CD40LG: variants seen among roughly 807,000 people sequenced by gnomAD.
CD40LG encodes CD40 antigen ligand.
Under a neutral mutation model 17.2 loss-of-function variants are expected in CD40LG, and 1 was observed. The observed-to-expected ratio is 0.06, with a 90% CI of 0.02 to 0.28. The LOEUF is 0.28. Among genes scored for constraint, CD40LG ranks in the 10% least tolerant of loss-of-function variants. The pLI, the probability that CD40LG is intolerant of heterozygous loss-of-function variation, is 1.00. For missense variants in CD40LG, 133 were observed against 193.2 expected (o/e 0.69, Z 1.85); for synonymous variants, 66 against 74.4 (o/e 0.89, Z 0.58).
chrX:136,653,723 T>A (rs2076110706), intron 2 of CD40LG, among the ~76,000 whole-genome samples: 1 of 112,532 alleles, frequency 8.9e-6, no homozygotes, highest in Non-Finnish European at 1.9e-5. Flanking sequence ...AGAAACCTTT[T>A]AAGAAGTGTC....
At chrX:136,654,489 C>T (rs969864941) in intron 3 of CD40LG, 59 bp downstream of exon 3, 3 of 870,148 alleles carry the variant, frequency 3.4e-6, no homozygotes, top group African/African-American at 3.9e-5. Flanking sequence ...AAGCTTTAGG[C>T]TGATCATATT....
chrX:136,652,457 A>G (rs2076106700), intron 2 of CD40LG, among the ~76,000 whole-genome samples: 1 of 111,727 alleles, frequency 9.0e-6, no homozygotes, highest in Non-Finnish European at 1.9e-5. Context: ...CACCTAAGCA[A>G]CCTCAAGTTT....
Position 136,659,479 on chromosome X carries a change from G to T in CD40LG, c.*64G>T. 1.8e-6 allele frequency: 2 copies of T among 1,113,343 alleles called. No homozygotes were observed. The highest frequency in any genetic ancestry group is 1.2e-6 in the Non-Finnish European group (1 of 816,200). 91.8% of individuals were successfully genotyped at this position (1,113,343 alleles called of 1,213,427 possible). A position where few individuals can be genotyped will look rare whatever the true frequency, so the allele number is the denominator to read the frequency against. On this transcript the variant is annotated 3_prime_UTR_variant, in exon 5 of 5. Coordinates refer to ENST00000370629, the MANE Select transcript of CD40LG (RefSeq NM_000074.3). ...GGAGTCTTCATAATACAGCACAGCG[G>T]TTAAGCCCACCCCCTGTTAACTGCC...
At chrX:136,654,291 C>T in intron 2 of CD40LG, 82 bp from the exon 3 acceptor site, 1 of 691,914 alleles carries the variant, frequency 1.4e-6, no homozygotes, top group Non-Finnish European at 2.4e-6. Context: ...AGAGTAATGA[C>T]AGATGCAAAA....
intron 4 of CD40LG, among the ~76,000 whole-genome samples, chrX:136,658,064 T>A (rs930379288): frequency 2.3e-4 from 26 of 111,883 alleles, no homozygotes; most frequent in Admixed American, 2.8e-4. Context: ...GTTTCTGGAG[T>A]GGTCTGGAGG....
intron 4 of CD40LG, among the ~76,000 whole-genome samples, 176 bp downstream of exon 4, chrX:136,656,594 A>T (rs1207432699): frequency 5.4e-5 from 6 of 112,083 alleles, no homozygotes; most frequent in Non-Finnish European, 1.1e-4. Flanking sequence ...CACAGATGGG[A>T]CTTAGAGGGA....
At chrX:136,657,205 T>C (rs1341758889) in intron 4 of CD40LG, among the ~76,000 whole-genome samples, 1 of 111,825 alleles carries the variant, frequency 8.9e-6, no homozygotes, top group African/African-American at 3.3e-5. Context: ...TGCATATGTG[T>C]ATGTGTGTGA....
chrX:136,658,894 C>T, intron 4 of CD40LG, 145 bp from the exon 5 acceptor site: 1 of 615,940 alleles, frequency 1.6e-6, no homozygotes, highest in Middle Eastern at 3.4e-4. Flanking sequence ...GAACATGGCT[C>T]TGTCTGACTC....
chrX:136,657,526 C>A (rs1309494854), intron 4 of CD40LG, among the ~76,000 whole-genome samples: 1 of 111,625 alleles, frequency 9.0e-6, no homozygotes, highest in Non-Finnish European at 1.9e-5. Flanking sequence ...TGCTGTACAA[C>A]CGTAAGGTGA....
In CD40LG at chrX:136,660,120, ACAC is replaced by A. The variant is rs2148554158; in HGVS notation, c.*706_*708del. 1.2e-5 allele frequency: 1 copy of A among 85,790 alleles called. No individual in the cohort carries two copies. The highest frequency in any genetic ancestry group is 4.9e-5 in the African/African-American group (1 of 20,294). The allele number at this position is 85,790 out of a possible 1,213,427, so 7.1% of individuals were successfully genotyped here. A position where few individuals can be genotyped will look rare whatever the true frequency, so the allele number is the denominator to read the frequency against. On this transcript the variant is annotated 3_prime_UTR_variant, in exon 5 of 5. Transcript: ENST00000370629. The stretch of plus-strand genomic sequence containing the variant: ...CCCCCTTTCTAACACACACACACAC[ACAC>A]ACACACACACACACACACACACACA...
chrX:136,653,234 G>A (rs2076109185), intron 2 of CD40LG, among the ~76,000 whole-genome samples: 1 of 112,304 alleles, frequency 8.9e-6, no homozygotes, highest in South Asian at 3.7e-4. Context: ...GAAGCTCTGG[G>A]GCCCATGTGA....
chrX:136,658,922 G>A, intron 4 of CD40LG, 117 bp from the exon 5 acceptor site: 2 of 783,724 alleles, frequency 2.6e-6, no homozygotes, highest in Non-Finnish European at 3.8e-6. Context: ...CATGGAAGGG[G>A]CCTTGAGAAT....
In CD40LG at chrX:136,660,078, C is replaced by T. The variant is rs73560786; in HGVS notation, c.*663C>T. ...CCCTTTGTCAGTCTCTTCCCTCCCC[C>T]AGTCTCTCTTCTCAATCCCCCTTTC... is the stretch of plus-strand genomic sequence containing the variant. On this transcript the variant is annotated 3_prime_UTR_variant, in exon 5 of 5. Transcript: ENST00000370629. 0.064 allele frequency: 6,528 copies of T among 102,018 alleles called. 572 individuals are homozygous for T. The highest frequency in any genetic ancestry group is 0.22 in the African/African-American group (5,745 of 26,444). The allele number at this position is 102,018 out of a possible 1,213,427, so 8.4% of individuals were successfully genotyped here. A position where few individuals can be genotyped will look rare whatever the true frequency, so the allele number is the denominator to read the frequency against.
At chrX:136,654,240 G>A in intron 2 of CD40LG, 133 bp from the exon 3 acceptor site, 3 of 539,611 alleles carry the variant, frequency 5.6e-6, no homozygotes, top group Non-Finnish European at 9.9e-6. Context: ...TTAATGACAG[G>A]ATCTGAGTCT....
intron 1 of CD40LG, 115 bp downstream of exon 1, chrX:136,648,519 G>GCAACAAA: frequency 1.4e-6 from 1 of 701,511 alleles, no homozygotes; most frequent in Non-Finnish European, 2.3e-6. Flanking sequence ...TGGTCTTGTG[G>GCAACAAA]CATAATGTTT....
intron 4 of CD40LG, among the ~76,000 whole-genome samples, chrX:136,657,000 G>T (rs2076121124): frequency 1.8e-5 from 2 of 112,213 alleles, no homozygotes; most frequent in African/African-American, 6.5e-5. Flanking sequence ...CACCATTCTA[G>T]CCTTTAGATA....
chrX:136,656,292 A>T lies in CD40LG; in HGVS notation c.347-64A>T, dbSNP rs1403406884. Reference sequence around the variant, plus strand: ...CTCTATTACACAGTTGTAGAACTGGACCAGATAGTTTTGTGGGCAGTTTTT... The same window carrying T: ...CTCTATTACACAGTTGTAGAACTGGTCCAGATAGTTTTGTGGGCAGTTTTT... On this transcript the variant is annotated intron_variant, in intron 3 of 4. Coordinates refer to ENST00000370629, the MANE Select transcript of CD40LG (RefSeq NM_000074.3). The T allele has an allele frequency of 3.7e-6, 3 of 818,455 alleles. No individual in the cohort carries two copies. In the African/African-American group the frequency reaches 6.0e-5, roughly 16 times the overall value. 67.4% of individuals were successfully genotyped at this position (818,455 alleles called of 1,213,427 possible).
chrX:136,653,286 C>T (rs1453240642), intron 2 of CD40LG, among the ~76,000 whole-genome samples: 4 of 112,288 alleles, frequency 3.6e-5, no homozygotes, highest in Non-Finnish European at 1.9e-5. Flanking sequence ...CTATGAACTA[C>T]GCCCTTAAAT....
chrX:136,651,679 C>A (rs747679306), intron 2 of CD40LG, among the ~76,000 whole-genome samples: 1 of 112,152 alleles, frequency 8.9e-6, no homozygotes, highest in Non-Finnish European at 1.9e-5. Context: ...GAAGATGTTA[C>A]CAGTTTAAAT....
Sources: allele counts gnomAD v4.1 joint callset (sites outside exome capture counted in the v4.1 genomes callset), GRCh38; gene constraint gnomAD v4.1.1; transcripts MANE v1.5; gene names NCBI Gene and HGNC (gene_info 2026-07-23, HGNC 2026-07-21).